Variants in CSMD1 observed in about 807,000 individuals in gnomAD.
CSMD1 encodes CUB and Sushi multiple domains 1.
Under a neutral mutation model 417.5 loss-of-function variants are expected in CSMD1, and 213 were observed. That is an observed-to-expected ratio of 0.51 (90% CI 0.46 to 0.57). The LOEUF (loss-of-function observed/expected upper bound fraction) is 0.57, where lower values mean the gene tolerates loss of function less well. Ranked by LOEUF, CSMD1 falls within the 20% of genes least tolerant of loss-of-function variation. The pLI is 0.00. For synonymous variants in CSMD1, 2,862 were observed against 1,736.8 expected, an observed-to-expected ratio of 1.65 and a Z score of -16.11; for missense variants, 6,923 against 4,529.7, an observed-to-expected ratio of 1.53 and a Z score of -15.17.
intron 49 of CSMD1, among the ~76,000 whole-genome samples, chr8:3,082,257 C>G (rs762381090): frequency 3.3e-5 from 5 of 152,202 alleles, no homozygotes; most frequent in Admixed American, 6.5e-5. Flanking sequence ...ATCAAGCTTT[C>G]TAAAACACAG....
chr8:3,439,309 A>ATATATATTTT lies in CSMD1; in HGVS notation c.1561+29402_1561+29403insAAAATATATA. 5.2e-3 allele frequency among the ~76,000 whole-genome samples: 323 copies of ATATATATTTT among 62,370 alleles called. 4 individuals carry two copies. Among genetic ancestry groups the ATATATATTTT allele is most frequent in the Middle Eastern group, 0.01 (1 of 98 alleles). The allele number at this position is 62,370 out of a possible 152,430, so 40.9% of individuals were successfully genotyped here. A position where few individuals can be genotyped will look rare whatever the true frequency, so the allele number is the denominator to read the frequency against. The stretch of plus-strand genomic sequence containing the variant: ...TATATATATATATATATATATATAT[A>ATATATATTTT]TTTTTTTTTTTAATATGTATTTTTA... On this transcript the variant is annotated intron_variant, in intron 12 of 69. Coordinates refer to ENST00000635120, the MANE Select transcript of CSMD1 (RefSeq NM_033225.6).
intron 49 of CSMD1, 142 bp from the exon 50 acceptor site, chr8:3,052,789 T>C: frequency 1.7e-6 from 1 of 600,598 alleles, no homozygotes; most frequent in Non-Finnish European, 2.4e-6. Flanking sequence ...TTCTTTCTTT[T>C]TTTTTTCTGG....
At chr8:3,347,338 T>C (rs1808079786) in intron 22 of CSMD1, among the ~76,000 whole-genome samples, 1 of 152,200 alleles carries the variant, frequency 6.6e-6, no homozygotes, top group Non-Finnish European at 1.5e-5. Flanking sequence ...ATATCAGGAC[T>C]CTTAGAAGTT....
At chr8:4,780,754 T>A (rs1184177900) in intron 1 of CSMD1, among the ~76,000 whole-genome samples, 2 of 152,062 alleles carry the variant, frequency 1.3e-5, no homozygotes, top group African/African-American at 4.8e-5. Context: ...CAAAATCCAT[T>A]GTATCATTTT....
chr8:4,748,641 G>A (rs939642746), intron 1 of CSMD1, among the ~76,000 whole-genome samples: 6 of 152,214 alleles, frequency 3.9e-5, no homozygotes, highest in African/African-American at 1.4e-4. Context: ...TGACTGGAAT[G>A]TCTCCAGAAT....
chr8:4,414,956 T>C (rs1796848541), intron 3 of CSMD1, among the ~76,000 whole-genome samples: 1 of 152,148 alleles, frequency 6.6e-6, no homozygotes, highest in African/African-American at 2.4e-5. Flanking sequence ...GCATTTATTT[T>C]GGGACAATAT....
chr8:4,600,467 G>C (rs190516459), intron 2 of CSMD1, among the ~76,000 whole-genome samples: 4 of 152,140 alleles, frequency 2.6e-5, no homozygotes, highest in African/African-American at 9.7e-5. Context: ...GCCTTTTCTT[G>C]AAGTCTGTTT....
chr8:3,283,512 A>C (rs965362302), intron 26 of CSMD1, among the ~76,000 whole-genome samples: 1 of 149,960 alleles, frequency 6.7e-6, no homozygotes, highest in Non-Finnish European at 1.5e-5. Context: ...CCCTAAAACA[A>C]AATTTTCCTT....
intron 7 of CSMD1, among the ~76,000 whole-genome samples, chr8:3,642,198 G>C (rs1224793500): frequency 6.6e-6 from 1 of 151,318 alleles, no homozygotes; most frequent in Non-Finnish European, 1.5e-5. Flanking sequence ...ATATATAGAA[G>C]ATGATGTATA....
chr8:4,647,557 C>T (rs184093913), intron 1 of CSMD1, among the ~76,000 whole-genome samples: 2 of 151,988 alleles, frequency 1.3e-5, no homozygotes, highest in Non-Finnish European at 2.9e-5. Flanking sequence ...CTCTAAGTTC[C>T]CTCCCCTCAT....
intron 41 of CSMD1, among the ~76,000 whole-genome samples, chr8:3,138,990 C>T (rs1196067338): frequency 2.0e-5 from 3 of 152,166 alleles, no homozygotes; most frequent in Non-Finnish European, 2.9e-5. Flanking sequence ...GGTCTGAGAG[C>T]AGTTACGGCT....
chr8:3,290,227 T>C (rs1363462137), intron 25 of CSMD1, among the ~76,000 whole-genome samples: 1 of 147,434 alleles, frequency 6.8e-6, no homozygotes, highest in African/African-American at 2.7e-5. Context: ...TTGGTTACTG[T>C]AGCCTTGTAG....
intron 3 of CSMD1, among the ~76,000 whole-genome samples, chr8:4,392,505 A>C (rs1269208770): frequency 2.0e-5 from 3 of 152,162 alleles, no homozygotes; most frequent in African/African-American, 4.8e-5. Context: ...AAGGTAAAGA[A>C]TCACGGTTTG....
intron 5 of CSMD1, among the ~76,000 whole-genome samples, chr8:3,885,398 A>T (rs2129123833): frequency 6.6e-6 from 1 of 152,320 alleles, no homozygotes; most frequent in Admixed American, 6.5e-5. Context: ...CCAATGGAGT[A>T]GTTATGAGGA....
chr8:3,973,612 A>G (rs1390134414), intron 5 of CSMD1, among the ~76,000 whole-genome samples: 2 of 152,182 alleles, frequency 1.3e-5, no homozygotes, highest in African/African-American at 4.8e-5. Context: ...AAACAATTTC[A>G]TCATTGTGAT....
chr8:4,931,519 A>G (rs777594079), intron 1 of CSMD1, among the ~76,000 whole-genome samples: 1 of 152,200 alleles, frequency 6.6e-6, no homozygotes, highest in Non-Finnish European at 1.5e-5. Flanking sequence ...TCCATGAACC[A>G]TCCAACGCAA....
intron 3 of CSMD1, among the ~76,000 whole-genome samples, chr8:4,363,768 T>G (rs1801911856): frequency 6.6e-6 from 1 of 152,182 alleles, no homozygotes. Context: ...CATGGCTGAA[T>G]AGTACTCCAC....
chr8:3,865,389 G>C (rs1208606903), intron 5 of CSMD1, among the ~76,000 whole-genome samples: 1 of 152,108 alleles, frequency 6.6e-6, no homozygotes, highest in African/African-American at 2.4e-5. Context: ...CATTCCCTCA[G>C]TCCCTGGGCT....
At chr8:3,560,573 G>A (rs1342295642) in intron 10 of CSMD1, among the ~76,000 whole-genome samples, 2 of 152,152 alleles carry the variant, frequency 1.3e-5, no homozygotes, top group Non-Finnish European at 2.9e-5. Context: ...CTCTTAAAAT[G>A]AATGGGAGAG....
Sources: allele counts gnomAD v4.1 joint callset (sites outside exome capture counted in the v4.1 genomes callset), GRCh38; gene constraint gnomAD v4.1.1; transcripts MANE v1.5; gene names NCBI Gene and HGNC (gene_info 2026-07-23, HGNC 2026-07-21).